Variants in PRKAR2B observed in about 807,000 individuals in gnomAD.
The protein encoded by PRKAR2B is protein kinase cAMP-dependent type II regulatory subunit beta.
A neutral mutation model predicts 49.9 loss-of-function variants in PRKAR2B; 14 were observed. That is an observed-to-expected ratio of 0.28 (90% confidence interval 0.19 to 0.44). The LOEUF (loss-of-function observed/expected upper bound fraction) is 0.44, where lower values mean the gene tolerates loss of function less well. Ranked by LOEUF, PRKAR2B falls within the 20% of genes least tolerant of loss-of-function variation. The pLI, the probability that PRKAR2B is intolerant of heterozygous loss-of-function variation, is 1.00. For missense variants in PRKAR2B, 393 were observed against 537.9 expected, an observed-to-expected ratio of 0.73 and a Z score of 2.67; for synonymous variants, 196 against 197.7, an observed-to-expected ratio of 0.99 and a Z score of 0.07.
chr7:107,135,571 A>C (rs899410470), intron 4 of PRKAR2B, among the ~76,000 whole-genome samples: 1 of 152,178 alleles, frequency 6.6e-6, no homozygotes, highest in African/African-American at 2.4e-5. Context: ...TTTCCTTTAT[A>C]TCAGCAGTGA....
chr7:107,142,126 T>A (rs1362186945), intron 5 of PRKAR2B, among the ~76,000 whole-genome samples: 1 of 152,172 alleles, frequency 6.6e-6, no homozygotes, highest in African/African-American at 2.4e-5. Context: ...TGGGTTACGT[T>A]TGCTCTCTGG....
intron 6 of PRKAR2B, among the ~76,000 whole-genome samples, chr7:107,147,097 C>G (rs1417503374): frequency 6.6e-6 from 1 of 152,084 alleles, no homozygotes; most frequent in Non-Finnish European, 1.5e-5. Flanking sequence ...AATCCTCTTA[C>G]CTAGCCACGA....
intron 2 of PRKAR2B, among the ~76,000 whole-genome samples, chr7:107,118,735 T>A (rs944853670): frequency 1.5e-4 from 23 of 152,180 alleles, no homozygotes; most frequent in African/African-American, 5.5e-4. Context: ...ATCTGACTTT[T>A]TAGTTGAGGC....
rs1477633664 is a variant in PRKAR2B at position 107,082,128 on chromosome 7, T to G, written c.343+11812T>G. 2.0e-5 allele frequency: 3 copies of G among 152,348 alleles called. No individual in the cohort carries two copies. The South Asian group carries it at 6.2e-4, about 32-fold the overall frequency. 9.4% of individuals were successfully genotyped at this position (152,348 alleles called of 1,614,324 possible). A position where few individuals can be genotyped will look rare whatever the true frequency, so the allele number is the denominator to read the frequency against. The stretch of plus-strand genomic sequence containing the variant: ...GAAAACAGGTTTGCCTTAACTACTC[T>G]TGTGGCTTTCTAAAAATAAATTGCT... On this transcript the variant is annotated intron_variant, in intron 2 of 10. Coordinates refer to ENST00000265717, the MANE Select transcript of PRKAR2B (RefSeq NM_002736.3).
In PRKAR2B at chr7:107,045,232, C is replaced by G. The variant is rs199823941; in HGVS notation, c.307+18C>G. 323 of 1,404,804 alleles carry G rather than the reference C, an allele frequency of 2.3e-4. 1 individual carries two copies. In the African/African-American group the frequency reaches 4.1e-3, roughly 18 times the overall value. 87.0% of individuals were successfully genotyped at this position (1,404,804 alleles called of 1,614,324 possible). On this transcript the variant is annotated intron_variant, in intron 1 of 10. Transcript: ENST00000265717. ...GTTCAATGGTGAGGACCAGACCCCC[C>G]ACTTCGCGCCCCCGGATCCCCTCGC...
intron 8 of PRKAR2B, among the ~76,000 whole-genome samples, chr7:107,154,856 T>C (rs1041507926): frequency 6.6e-6 from 1 of 152,212 alleles, no homozygotes; most frequent in African/African-American, 2.4e-5. Flanking sequence ...AGCAACACTT[T>C]TCTTTTAGAA....
chr7:107,097,991 G>A (rs753710595), intron 2 of PRKAR2B, among the ~76,000 whole-genome samples: 4 of 152,088 alleles, frequency 2.6e-5, no homozygotes, highest in Non-Finnish European at 5.9e-5. Context: ...ATGTGTCTTG[G>A]AGTTGCTTTT....
intron 8 of PRKAR2B, among the ~76,000 whole-genome samples, chr7:107,155,997 A>G (rs1478802270): frequency 6.6e-6 from 1 of 152,190 alleles, no homozygotes; most frequent in Non-Finnish European, 1.5e-5. Flanking sequence ...CAGCAGACTA[A>G]CACAGGAGTA....
At chr7:107,064,108 A>G (rs1278953912) in intron 1 of PRKAR2B, among the ~76,000 whole-genome samples, 1 of 152,138 alleles carries the variant, frequency 6.6e-6, no homozygotes, top group Admixed American at 6.6e-5. Flanking sequence ...TTTTCTTGAC[A>G]TTGTTACTGC....
chr7:107,132,576 CA>C (rs1479040817), intron 4 of PRKAR2B, among the ~76,000 whole-genome samples: 1 of 151,278 alleles, frequency 6.6e-6, no homozygotes, highest in Non-Finnish European at 1.5e-5. Flanking sequence ...AATGGTTTCA[CA>C]AAAAAGGGTT....
intron 6 of PRKAR2B, among the ~76,000 whole-genome samples, chr7:107,148,248 A>G (rs1482988057): frequency 6.6e-6 from 1 of 152,220 alleles, no homozygotes; most frequent in East Asian, 1.9e-4. Flanking sequence ...TTTCAAATGT[A>G]GTCATTCCAA....
chr7:107,094,390 G>A (rs1794796174), intron 2 of PRKAR2B, among the ~76,000 whole-genome samples: 1 of 152,098 alleles, frequency 6.6e-6, no homozygotes. Context: ...TAAATTCTTT[G>A]TAGATTCTGG....
At chr7:107,127,023 A>G (rs1038314228) in intron 3 of PRKAR2B, among the ~76,000 whole-genome samples, 1 of 152,258 alleles carries the variant, frequency 6.6e-6, no homozygotes, top group Non-Finnish European at 1.5e-5. Flanking sequence ...AATAGTTTAC[A>G]TATAAATAGT....
intron 2 of PRKAR2B, among the ~76,000 whole-genome samples, chr7:107,087,994 C>G (rs1234334405): frequency 6.6e-6 from 1 of 152,158 alleles, no homozygotes; most frequent in Admixed American, 6.6e-5. Flanking sequence ...CACAAATGCT[C>G]TCATATAACC....
chr7:107,159,271 G>A (rs1796153368), intron 10 of PRKAR2B, among the ~76,000 whole-genome samples, 178 bp from the exon 11 acceptor site: 1 of 151,966 alleles, frequency 6.6e-6, no homozygotes, highest in Admixed American at 6.6e-5. Flanking sequence ...GCGTGGCCCT[G>A]GCTGCTTCCT....
chr7:107,073,637 C>T (rs1444400702), intron 2 of PRKAR2B, among the ~76,000 whole-genome samples: 1 of 152,194 alleles, frequency 6.6e-6, no homozygotes, highest in Non-Finnish European at 1.5e-5. Context: ...AGCATCCTGA[C>T]AGCACCCCAT....
intron 2 of PRKAR2B, among the ~76,000 whole-genome samples, chr7:107,110,960 T>G (rs995606973): frequency 5.9e-5 from 9 of 152,134 alleles, no homozygotes; most frequent in African/African-American, 2.2e-4. Context: ...GAGGACTAAG[T>G]GGGCTTTTGG....
In PRKAR2B at chr7:107,161,014, A is replaced by C. The variant is rs1054033949; in HGVS notation, c.*1432A>C. The stretch of plus-strand genomic sequence containing the variant: ...ACAGGTTTCAAATGAATATATATAC[A>C]TGGGTAAAATTACTCTGTGCTAGTG... On this transcript the variant is annotated 3_prime_UTR_variant, in exon 11 of 11. Coordinates refer to ENST00000265717, the MANE Select transcript of PRKAR2B (RefSeq NM_002736.3). 2.0e-5 allele frequency: 3 copies of C among 152,206 alleles called. No homozygotes were observed. The highest frequency in any genetic ancestry group is 7.2e-5 in the African/African-American group (3 of 41,456). The allele number at this position is 152,206 out of a possible 1,614,324, so 9.4% of individuals were successfully genotyped here.
intron 1 of PRKAR2B, chr7:107,069,618 G>C (rs1161576786): frequency 6.6e-6 from 1 of 152,198 alleles, no homozygotes. Context: ...AGTTGAGTCG[G>C]AGGAGTGGGC....
Sources: allele counts gnomAD v4.1 joint callset (sites outside exome capture counted in the v4.1 genomes callset), GRCh38; gene constraint gnomAD v4.1.1; transcripts MANE v1.5; gene names NCBI Gene and HGNC (gene_info 2026-07-23, HGNC 2026-07-21).